GLIS3: variants seen among roughly 807,000 people sequenced by gnomAD.
The protein encoded by GLIS3 is GLIS family zinc finger 3.
A neutral mutation model predicts 78.6 loss-of-function variants in GLIS3; 53 were observed. The ratio of observed to expected loss-of-function variants is 0.67; its 90% CI spans 0.54 to 0.85. The LOEUF (loss-of-function observed/expected upper bound fraction) is 0.85. Among genes scored for constraint, GLIS3 ranks in the 40% least tolerant of loss-of-function variants. The probability of loss-of-function intolerance (pLI) is 0.00; values close to 1 mark genes in which losing one functional copy is unlikely to be tolerated. For missense variants in GLIS3, 1,703 were observed against 1,231.1 expected, an observed-to-expected ratio of 1.38 and a Z score of -5.74; for synonymous variants, 684 against 509.9, an observed-to-expected ratio of 1.34 and a Z score of -4.60.
intron 1 of GLIS3, among the ~76,000 whole-genome samples, chr9:4,287,678 C>T (rs537760501): frequency 6.6e-6 from 1 of 151,932 alleles, no homozygotes; most frequent in African/African-American, 2.4e-5. Context: ...TGTGTATGAT[C>T]CACTCAAAGT....
At chr9:3,929,436 GA>G (rs1303459948) in intron 6 of GLIS3, among the ~76,000 whole-genome samples, 1 of 152,006 alleles carries the variant, frequency 6.6e-6, no homozygotes, top group Admixed American at 6.6e-5. Context: ...ACAGGTGTGG[GA>G]AAGGGCCACG....
intron 2 of GLIS3, among the ~76,000 whole-genome samples, chr9:4,282,877 G>C (rs1827678822): frequency 6.6e-6 from 1 of 152,040 alleles, no homozygotes; most frequent in Admixed American, 6.6e-5. Context: ...CAAACTCCTT[G>C]GCACATCATT....
the GLIS3 span, among the ~76,000 whole-genome samples, chr9:4,446,485 A>G: frequency 3.3e-5 from 5 of 151,418 alleles, no homozygotes; most frequent in South Asian, 1.0e-3. Context: ...GTGGACTAAG[A>G]CAGCAGGAAA....
At chr9:4,330,799 G>T (rs982232818) in intron 2 of GLIS3, among the ~76,000 whole-genome samples, 5 of 152,142 alleles carry the variant, frequency 3.3e-5, no homozygotes, top group Non-Finnish European at 7.4e-5. Context: ...TAGAAAAAAT[G>T]CAATCGATGC....
In GLIS3 at chr9:4,068,951, A is replaced by T. The variant is rs142690670; in HGVS notation, c.1710+48817T>A. 4.4e-3 allele frequency among the ~76,000 whole-genome samples: 666 copies of T among 152,224 alleles called. 4 individuals carry two copies. The highest frequency in any genetic ancestry group is 0.014 in the African/African-American group (599 of 41,534). ...AGGGTATCAGAAAAATAAGGGATTT[A>T]AAAAAATCAACCGTAATGTAACCCC... On this transcript the variant is annotated intron_variant, in intron 4 of 10. Coordinates refer to ENST00000381971, the MANE Select transcript of GLIS3 (RefSeq NM_001042413.2).
chr9:4,164,252 C>A (rs1835713353), intron 2 of GLIS3, among the ~76,000 whole-genome samples: 1 of 152,122 alleles, frequency 6.6e-6, no homozygotes, highest in Admixed American at 6.5e-5. Flanking sequence ...GAAGGCAAAC[C>A]CTGGGAAAAT....
chr9:3,985,873 CCTGGCATTCCCAGTTAAAATTAAAA>C (rs1819703441), intron 4 of GLIS3, among the ~76,000 whole-genome samples: 1 of 152,184 alleles, frequency 6.6e-6, no homozygotes, highest in Admixed American at 6.5e-5. Context: ...CCCTCTAGTT[CCTGGCATTCCCAGTTAAAATTAAAA>C]CTGTATAATA....
intron 9 of GLIS3, chr9:3,855,341 C>T (rs1819700518): frequency 6.5e-6 from 1 of 153,784 alleles, no homozygotes; most frequent in South Asian, 2.0e-4. Flanking sequence ...TAACAAGTAT[C>T]TGTCTCTTTG....
chr9:4,125,279 G>A (rs568538498), intron 3 of GLIS3, among the ~76,000 whole-genome samples: 1 of 152,140 alleles, frequency 6.6e-6, no homozygotes, highest in East Asian at 1.9e-4. Flanking sequence ...AAATATTTAA[G>A]TAGATGGGTA....
chr9:4,001,482 C>T (rs1332144745), intron 4 of GLIS3, among the ~76,000 whole-genome samples: 4 of 152,136 alleles, frequency 2.6e-5, no homozygotes, highest in Non-Finnish European at 5.9e-5. Context: ...CAATATCAAA[C>T]AATAACACAA....
At position 4,346,766 on chromosome 9, in the gene GLIS3, A is replaced by C. The variant is rs1405984538; in HGVS notation, n.264+315T>G. On this transcript the variant is annotated intron_variant and non_coding_transcript_variant, in intron 2 of 4. Transcript: ENST00000471664. ...AGGAGATCGAGACCATCCCGGCTAA[A>C]ACGGTGAAACCCCGTCTCTACTAAA... is the stretch of plus-strand genomic sequence containing the variant. Among the ~76,000 whole-genome samples, 4 of 1,200 alleles carry C rather than the reference A, an allele frequency of 3.3e-3. 2 individuals carry two copies. Among genetic ancestry groups the C allele is most frequent in the African/African-American group, 3.5e-3 (4 of 1,136 alleles). 0.8% of individuals were successfully genotyped at this position (1,200 alleles called of 152,430 possible).
chr9:3,867,162 A>G (rs1209983814), intron 8 of GLIS3, among the ~76,000 whole-genome samples: 1 of 152,210 alleles, frequency 6.6e-6, no homozygotes, highest in Non-Finnish European at 1.5e-5. Context: ...TTATCAAGAA[A>G]CACATTAGAC....
intron 2 of GLIS3, among the ~76,000 whole-genome samples, chr9:4,133,742 G>T (rs549626657): frequency 5.9e-5 from 9 of 151,604 alleles, no homozygotes; most frequent in African/African-American, 2.2e-4. Flanking sequence ...CTCTCATATG[G>T]TACCTTTCTG....
At chr9:4,487,127 G>A in the GLIS3 span, among the ~76,000 whole-genome samples, 1 of 152,146 alleles carries the variant, frequency 6.6e-6, no homozygotes, top group Non-Finnish European at 1.5e-5. Context: ...AGCCTCTCGA[G>A]TAGCTGGGAT....
At chr9:4,264,181 C>A (rs186602721) in intron 2 of GLIS3, among the ~76,000 whole-genome samples, 366 of 152,316 alleles carry the variant, frequency 2.4e-3, no homozygotes, top group Non-Finnish European at 4.0e-3. Context: ...TTGCCATTCA[C>A]TACATGTTCA....
chr9:4,092,995 G>C (rs146335681), intron 4 of GLIS3, among the ~76,000 whole-genome samples: 1 of 152,218 alleles, frequency 6.6e-6, no homozygotes, highest in Admixed American at 6.5e-5. Context: ...AATGACGTCA[G>C]TAGGTGATAG....
intron 2 of GLIS3, among the ~76,000 whole-genome samples, chr9:4,176,825 C>G (rs570952366): frequency 1.1e-4 from 17 of 152,306 alleles, no homozygotes; most frequent in Non-Finnish European, 1.9e-4. Flanking sequence ...GGTTTCACCA[C>G]ATTGGCCAGG....
At chr9:4,308,677 C>G (rs1392111580) in intron 4 of GLIS3, 2 of 152,346 alleles carry the variant, frequency 1.3e-5, no homozygotes, top group Non-Finnish European at 2.9e-5. Flanking sequence ...TGGATGGGAT[C>G]TAGGCATCAG....
chr9:3,899,847 C>T (rs974999305), intron 6 of GLIS3, among the ~76,000 whole-genome samples: 5 of 152,152 alleles, frequency 3.3e-5, no homozygotes, highest in Non-Finnish European at 7.4e-5. Flanking sequence ...ACAAATAAAA[C>T]ATATACAACC....
Sources: gnomAD v4.1 joint callset for allele counts (sites outside exome capture counted in the v4.1 genomes callset) on GRCh38, gnomAD v4.1.1 for gene constraint, MANE v1.5 for transcripts, NCBI Gene and HGNC (gene_info 2026-07-23, HGNC 2026-07-21) for gene names.